The following UGGT2 variants were observed in gnomAD, a reference collection of about 807,000 sequenced individuals.
UGGT2 encodes UDP-glucose glycoprotein glucosyltransferase 2.
A neutral mutation model predicts 192.1 loss-of-function variants in UGGT2; 180 were observed. The observed-to-expected ratio is 0.94, with a 90% CI of 0.83 to 1.06. The LOEUF (loss-of-function observed/expected upper bound fraction) is 1.06, where lower values mean the gene tolerates loss of function less well. UGGT2 is among the 50% of genes least tolerant of loss of function. The pLI, the probability that UGGT2 is intolerant of heterozygous loss-of-function variation, is 0.00. For synonymous variants in UGGT2, 580 were observed against 591.0 expected, an observed-to-expected ratio of 0.98 and a Z score of 0.27; for missense variants, 1,849 against 1,795.7, an observed-to-expected ratio of 1.03 and a Z score of -0.54.
intron 20 of UGGT2, among the ~76,000 whole-genome samples, chr13:95,916,936 G>C (rs73558671): frequency 0.012 from 1,792 of 151,878 alleles, 42 homozygotes; most frequent in African/African-American, 0.041. Context: ...GTACCTGAAA[G>C]AAACAGGGAG....
At chr13:95,921,273 A>T (rs9561984) in intron 20 of UGGT2, among the ~76,000 whole-genome samples, 58,249 of 150,932 alleles carry the variant, frequency 0.39, 11,419 homozygotes, top group Middle Eastern at 0.42. Context: ...AATGGGATGA[A>T]CTGTGTAGCA....
chr13:95,962,573 G>A (rs1476922806), intron 12 of UGGT2, among the ~76,000 whole-genome samples: 1 of 152,038 alleles, frequency 6.6e-6, no homozygotes, highest in African/African-American at 2.4e-5. Flanking sequence ...CAACAAAGAA[G>A]AGTCCAGGAC....
At chr13:95,814,325 A>G (rs139999573) in intron 38 of UGGT2, among the ~76,000 whole-genome samples, 244 of 152,346 alleles carry the variant, frequency 1.6e-3, no homozygotes, top group African/African-American at 5.4e-3. Flanking sequence ...ACAGGGGTGG[A>G]ACTGCTCAAG....
intron 9 of UGGT2, chr13:95,985,135 TC>T: frequency 2.0e-6 from 1 of 501,374 alleles, no homozygotes. Context: ...AACTGTCTGA[TC>T]AAGACTAAAG....
intron 10 of UGGT2, among the ~76,000 whole-genome samples, chr13:95,978,105 G>A (rs2140835454): frequency 6.6e-6 from 1 of 152,168 alleles, no homozygotes; most frequent in South Asian, 2.1e-4. Flanking sequence ...TGGGTTGATA[G>A]GGGCAGCAAA....
Position 95,854,387 on chromosome 13 carries a change from T to A in UGGT2, c.4097A>T (p.Glu1366Val), listed in dbSNP as rs1889368084. The A allele has an allele frequency of 6.2e-7, 1 of 1,613,736 alleles. No homozygotes were observed. Among genetic ancestry groups the A allele is most frequent in the African/African-American group, 1.3e-5 (1 of 74,894 alleles). ...TTTCCAGAAACGATATCCATCCATT[T>A]CCCTGCGGCTATCACAAAATGGAGT... Reference protein sequence around the residue: ...GYTPFCDSRREMDGYRFWKTG... With the variant: ...GYTPFCDSRRVMDGYRFWKTG... Residue 1366 changes from glutamate (E) to valine (V), a missense_variant, in exon 35 of 39, where the codon GAA becomes GTA. Transcript: ENST00000376747.
chr13:95,875,094 T>C (rs982580896), intron 29 of UGGT2, among the ~76,000 whole-genome samples: 2 of 152,216 alleles, frequency 1.3e-5, no homozygotes, highest in Non-Finnish European at 2.9e-5. Flanking sequence ...TTACTCCATA[T>C]CCTCACCAAC....
chr13:95,890,773 G>T, intron 25 of UGGT2, 89 bp downstream of exon 25: 2 of 935,534 alleles, frequency 2.1e-6, no homozygotes, highest in Non-Finnish European at 3.3e-6. Context: ...AGGATCAAGA[G>T]CATAAACAGC....
intron 20 of UGGT2, among the ~76,000 whole-genome samples, chr13:95,914,947 T>C (rs192668965): frequency 2.0e-5 from 3 of 152,278 alleles, no homozygotes; most frequent in African/African-American, 7.2e-5. Flanking sequence ...GATGTCAAAA[T>C]GTAAAGTGAC....
chr13:96,045,214 A>C (rs1271304706), intron 1 of UGGT2, among the ~76,000 whole-genome samples: 1 of 152,170 alleles, frequency 6.6e-6, no homozygotes, highest in African/African-American at 2.4e-5. Context: ...ACACCAGATA[A>C]ACAGAATTAA....
chr13:95,968,677 T>C (rs2050668077), intron 12 of UGGT2, among the ~76,000 whole-genome samples: 3 of 152,214 alleles, frequency 2.0e-5, no homozygotes, highest in Admixed American at 6.5e-5. Context: ...CAAACAGATG[T>C]TGGCACCATG....
intron 36 of UGGT2, among the ~76,000 whole-genome samples, chr13:95,853,158 C>T (rs548725502): frequency 9.2e-5 from 14 of 152,278 alleles, no homozygotes; most frequent in South Asian, 4.1e-4. Context: ...CTTCCCCTTC[C>T]GCCATGATTG....
Position 95,928,367 on chromosome 13 carries a change from TGCCGGGCGGAGACGCTCCTCACTTCCC to T in UGGT2, c.1978-1058_1978-1032del, listed in dbSNP as rs1566711714. Among the ~76,000 whole-genome samples, 29 of 85,130 alleles carry T rather than the reference TGCCGGGCGGAGACGCTCCTCACTTCCC, an allele frequency of 3.4e-4. No individual in the cohort carries two copies. The Admixed American group carries it at 3.9e-3, about 12-fold the overall frequency. The allele number at this position is 85,130 out of a possible 152,430, so 55.8% of individuals were successfully genotyped here. A position where few individuals can be genotyped will look rare whatever the true frequency, so the allele number is the denominator to read the frequency against. ...CCCCCCACCTCCCGGACAGGACGGC[TGCCGGGCGGAGACGCTCCTCACTTCCC>T]GGACGGGGCGGCTGCCGGGCGGAGG... On this transcript the variant is annotated intron_variant, in intron 17 of 38. Transcript: ENST00000376747.
At chr13:95,811,478 C>T (rs189960980) in intron 38 of UGGT2, among the ~76,000 whole-genome samples, 58 of 151,964 alleles carry the variant, frequency 3.8e-4, no homozygotes, top group South Asian at 1.2e-3. Flanking sequence ...GAAATTAGGG[C>T]GTGAGCTAAA....
chr13:95,985,350 A>G (rs2051257831), intron 9 of UGGT2: 13 of 1,121,572 alleles, frequency 1.2e-5, no homozygotes, highest in Non-Finnish European at 1.5e-5. Flanking sequence ...GTAAATAAGG[A>G]AACAAACTCC....
chr13:96,051,074 A>T (rs1397087264), intron 1 of UGGT2, among the ~76,000 whole-genome samples: 2 of 152,220 alleles, frequency 1.3e-5, no homozygotes, highest in Non-Finnish European at 2.9e-5. Context: ...AAAGACTTGG[A>T]ACCAACCCAA....
chr13:96,029,489 T>G (rs1002979564), intron 2 of UGGT2, among the ~76,000 whole-genome samples: 1 of 152,070 alleles, frequency 6.6e-6, no homozygotes. Flanking sequence ...TCTCACAATG[T>G]TGGCCAGGCT....
chr13:95,944,901 C>G (rs2049812511), intron 15 of UGGT2, among the ~76,000 whole-genome samples: 1 of 151,332 alleles, frequency 6.6e-6, no homozygotes, highest in Non-Finnish European at 1.5e-5. Context: ...TTGAAATAAC[C>G]TACTACTATT....
At chr13:95,949,681 T>C (rs2049995818) in intron 12 of UGGT2, among the ~76,000 whole-genome samples, 1 of 152,180 alleles carries the variant, frequency 6.6e-6, no homozygotes, top group Non-Finnish European at 1.5e-5. Flanking sequence ...AAACAATTCC[T>C]TTCACTTGTG....
Sources: gnomAD v4.1 joint callset for allele counts (sites outside exome capture counted in the v4.1 genomes callset) on GRCh38, gnomAD v4.1.1 for gene constraint, MANE v1.5 for transcripts, NCBI Gene and HGNC (gene_info 2026-07-23, HGNC 2026-07-21) for gene names.